Variants in NRXN1 observed in about 807,000 individuals in gnomAD.
NRXN1 encodes neurexin 1.
NRXN1 carries 39 observed loss-of-function variants against 150.9 expected under a neutral mutation model. The observed-to-expected ratio is 0.26, with a 90% CI of 0.20 to 0.34. The LOEUF (loss-of-function observed/expected upper bound fraction) is 0.34, where lower values mean the gene tolerates loss of function less well. NRXN1 is among the 10% of genes least tolerant of loss of function. The pLI, the probability that NRXN1 is intolerant of heterozygous loss-of-function variation, is 1.00. For missense variants in NRXN1, 1,815 were observed against 1,949.9 expected (o/e 0.93, Z 1.30); for synonymous variants, 924 against 757.0 (o/e 1.22, Z -3.62).
At chr2:50,917,504 T>C (rs1408010830) in intron 5 of NRXN1, 2 of 151,748 alleles carry the variant, frequency 1.3e-5, no homozygotes, top group African/African-American at 2.4e-5. Flanking sequence ...CTGAATGTTG[T>C]ATCTTTCCAA....
intron 12 of NRXN1, among the ~76,000 whole-genome samples, chr2:50,513,360 G>A (rs963599732): frequency 2.0e-5 from 3 of 152,036 alleles, no homozygotes; most frequent in Non-Finnish European, 2.9e-5. Context: ...ATTTTTATTT[G>A]AACACGCACA....
At chr2:49,971,116 CTAAA>C (rs1677880963) in intron 21 of NRXN1, among the ~76,000 whole-genome samples, 1 of 151,966 alleles carries the variant, frequency 6.6e-6, no homozygotes, top group South Asian at 2.1e-4. Context: ...AGACAAAGGC[CTAAA>C]GTACTTGGCT....
Position 50,221,667 on chromosome 2 carries a change from C to G in NRXN1, c.3546+15122G>C, listed in dbSNP as rs947591274. ...TTAGCTCACTATAGATGCAATAGGA[C>G]TGAAGTAATTAATCACATGTAGAAT... On this transcript the variant is annotated intron_variant, in intron 18 of 22. Coordinates refer to ENST00000401669, the MANE Select transcript of NRXN1 (RefSeq NM_001330078.2). Among the ~76,000 whole-genome samples, 8 of 152,088 alleles carry G rather than the reference C, an allele frequency of 5.3e-5. No individual in the cohort carries two copies. The South Asian group carries it at 6.2e-4, about 12-fold the overall frequency.
intron 18 of NRXN1, among the ~76,000 whole-genome samples, chr2:50,150,035 C>G (rs1331220540): frequency 1.3e-5 from 2 of 151,638 alleles, no homozygotes; most frequent in East Asian, 1.9e-4. Context: ...CTTTATATTT[C>G]TTATTTTTTT....
rs200765747 is a variant in NRXN1, at chr2:50,347,375, C to T, written c.3365-110405G>A. The T allele has an allele frequency of 8.4e-7, 1 of 1,195,752 alleles. No homozygotes were observed. The highest frequency in any genetic ancestry group is 1.1e-6 in the Non-Finnish European group (1 of 944,746). 74.1% of individuals were successfully genotyped at this position (1,195,752 alleles called of 1,614,324 possible). On this transcript the variant is annotated intron_variant, in intron 17 of 22. Transcript: ENST00000401669. The surrounding 1 kb of genome is among the most constrained non-coding windows in gnomAD (Gnocchi z 4.9). The stretch of plus-strand genomic sequence containing the variant: ...TCCTCACTTCTACATGACAGACATC[C>T]ACCGCGAATCCACTAGGTAAATCCA...
intron 2 of NRXN1, among the ~76,000 whole-genome samples, chr2:50,995,759 A>AGT (rs1053340029): frequency 5.3e-5 from 8 of 152,052 alleles, no homozygotes; most frequent in Non-Finnish European, 1.2e-4. Context: ...ACTGGAGACA[A>AGT]GTCTTGGCTT....
chr2:50,095,780 T>C (rs1299684582), intron 18 of NRXN1, among the ~76,000 whole-genome samples: 1 of 150,574 alleles, frequency 6.6e-6, no homozygotes, highest in Non-Finnish European at 1.5e-5. Context: ...TTTTTTTTAA[T>C]TTTATATATA....
intron 5 of NRXN1, among the ~76,000 whole-genome samples, chr2:50,649,579 C>G (rs1685311440): frequency 6.6e-6 from 1 of 151,940 alleles, no homozygotes; most frequent in Non-Finnish European, 1.5e-5. Context: ...TCTGTTACCC[C>G]CTCTTTGCTT....
chr2:50,582,935 T>C (rs2103678755), intron 8 of NRXN1, among the ~76,000 whole-genome samples: 1 of 152,264 alleles, frequency 6.6e-6, no homozygotes, highest in Non-Finnish European at 1.5e-5. Context: ...ACTTGGGTTA[T>C]TTCCCTAAGG....
intron 17 of NRXN1, among the ~76,000 whole-genome samples, chr2:50,392,555 G>C (rs1022498192): frequency 3.3e-5 from 5 of 152,084 alleles, no homozygotes; most frequent in African/African-American, 1.2e-4. Context: ...TCATAAATCA[G>C]TTCTAAATTT....
At chr2:50,193,899 G>A (rs144606683) in intron 18 of NRXN1, among the ~76,000 whole-genome samples, 22 of 152,064 alleles carry the variant, frequency 1.4e-4, no homozygotes, top group African/African-American at 1.9e-4. Flanking sequence ...GAAAACAAAC[G>A]TGAATCCTAC....
At chr2:50,777,039 G>C (rs1244352149) in intron 5 of NRXN1, among the ~76,000 whole-genome samples, 1 of 152,086 alleles carries the variant, frequency 6.6e-6, no homozygotes, top group Non-Finnish European at 1.5e-5. Flanking sequence ...TCTCCTATTA[G>C]AATTAGCTTT....
At chr2:50,431,482 G>T (rs1196337159) in intron 17 of NRXN1, among the ~76,000 whole-genome samples, 1 of 152,174 alleles carries the variant, frequency 6.6e-6, no homozygotes, top group Non-Finnish European at 1.5e-5. Flanking sequence ...CAGCCTACAG[G>T]TTAAGCCTGC....
intron 18 of NRXN1, among the ~76,000 whole-genome samples, chr2:50,224,785 C>CA (rs1426169972): frequency 1.3e-5 from 2 of 150,950 alleles, no homozygotes; most frequent in African/African-American, 4.9e-5. Flanking sequence ...CATTCCTAAT[C>CA]AATTAGGGAG....
chr2:50,376,745 T>A (rs773129291), intron 17 of NRXN1, among the ~76,000 whole-genome samples: 8 of 152,128 alleles, frequency 5.3e-5, no homozygotes, highest in Non-Finnish European at 1.2e-4. Context: ...TCCCTTAGGC[T>A]CTGTAGAGTC....
At chr2:50,787,019 C>T (rs1705221248) in intron 5 of NRXN1, among the ~76,000 whole-genome samples, 1 of 152,146 alleles carries the variant, frequency 6.6e-6, no homozygotes, top group Non-Finnish European at 1.5e-5. Flanking sequence ...CTGTAGCTTG[C>T]ATTGCTGTTT....
intron 18 of NRXN1, among the ~76,000 whole-genome samples, chr2:50,200,269 T>A (rs867924440): frequency 6.6e-6 from 1 of 152,180 alleles, no homozygotes; most frequent in Admixed American, 6.6e-5. Context: ...GAACTCTTAA[T>A]CTTAGCTGTA....
chr2:50,007,201 CCAGA>C (rs57132598), intron 21 of NRXN1, among the ~76,000 whole-genome samples: 55,202 of 151,622 alleles, frequency 0.36, 10,475 homozygotes, highest in East Asian at 0.48. Flanking sequence ...TAATAATTAG[CCAGA>C]CATAGTAGTG....
At chr2:50,614,653 A>T (rs1678756895) in intron 8 of NRXN1, among the ~76,000 whole-genome samples, 1 of 142,606 alleles carries the variant, frequency 7.0e-6, no homozygotes. Context: ...ATATATATAT[A>T]TATATAAAAT....
Sources: allele counts gnomAD v4.1 joint callset (sites outside exome capture counted in the v4.1 genomes callset), GRCh38; gene constraint gnomAD v4.1.1; non-coding constraint Gnocchi (gnomAD v3.1); transcripts MANE v1.5; gene names NCBI Gene and HGNC (gene_info 2026-07-23, HGNC 2026-07-21).